The following BAZ2B variants were observed in gnomAD, a reference collection of about 807,000 sequenced individuals.
The protein encoded by BAZ2B is bromodomain adjacent to zinc finger domain 2B, also known as bromodomain adjacent to zinc finger domain protein 2B.
BAZ2B carries 91 observed loss-of-function variants against 246.0 expected under a neutral mutation model. The observed-to-expected ratio is 0.37, with a 90% CI of 0.31 to 0.44. The LOEUF is 0.44. Ranked by LOEUF, BAZ2B falls within the 20% of genes least tolerant of loss-of-function variation. The pLI, the probability that BAZ2B is intolerant of heterozygous loss-of-function variation, is 1.00. For synonymous variants in BAZ2B, 855 were observed against 860.0 expected, an observed-to-expected ratio of 0.99 and a Z score of 0.10; for missense variants, 2,332 against 2,533.7, an observed-to-expected ratio of 0.92 and a Z score of 1.71.
At chr2:159,565,696 G>T (rs569836610) in intron 1 of BAZ2B, among the ~76,000 whole-genome samples, 1 of 149,584 alleles carries the variant, frequency 6.7e-6, no homozygotes, top group African/African-American at 2.5e-5. Context: ...AGAATCGCTT[G>T]AATCCGGGAG....
Position 159,430,849 on chromosome 2 carries a change from T to C in BAZ2B, c.2194+14A>G, listed in dbSNP as rs2070972312. ...GACTTCTACTTTAGAATAATAAAAA[T>C]AAAGTGTAGGTACCAGAGTGTGGGC... is the stretch of plus-strand genomic sequence containing the variant. On this transcript the variant is annotated intron_variant, in intron 10 of 36. Transcript: ENST00000392783. The C allele has an allele frequency of 1.3e-6, 2 of 1,592,668 alleles. No homozygotes were observed. The highest frequency in any genetic ancestry group is 1.8e-5 in the Admixed American group (1 of 54,866).
chr2:159,465,330 T>G (rs1045003917), intron 3 of BAZ2B, among the ~76,000 whole-genome samples: 2 of 152,358 alleles, frequency 1.3e-5, no homozygotes, highest in Non-Finnish European at 2.9e-5. Flanking sequence ...TTAATTTGAT[T>G]AGCTCTGTAA....
At chr2:159,541,518 A>C (rs1461105918) in intron 2 of BAZ2B, among the ~76,000 whole-genome samples, 5 of 152,056 alleles carry the variant, frequency 3.3e-5, no homozygotes, top group Admixed American at 6.6e-5. Flanking sequence ...ACCTCAGGCG[A>C]TCTGCCCACC....
At chr2:159,428,513 A>G in intron 11 of BAZ2B, 94 bp from the exon 12 acceptor site, 8 of 851,942 alleles carry the variant, frequency 9.4e-6, no homozygotes, top group Non-Finnish European at 1.4e-5. Flanking sequence ...TTCTCTAGAA[A>G]ACATAAAAAA....
chr2:159,556,400 A>G (rs914973012), intron 1 of BAZ2B, among the ~76,000 whole-genome samples: 1 of 140,534 alleles, frequency 7.1e-6, no homozygotes, highest in African/African-American at 3.2e-5. Context: ...TAGAACAGGA[A>G]AAAACTATTT....
intron 27 of BAZ2B, among the ~76,000 whole-genome samples, chr2:159,358,775 G>T (rs1576038089): frequency 1.3e-5 from 2 of 152,166 alleles, no homozygotes; most frequent in South Asian, 2.1e-4. Context: ...TGAGACCACA[G>T]TGCAATCAAA....
At chr2:159,382,919 G>T (rs903290130) in intron 24 of BAZ2B, 117 bp from the exon 25 acceptor site, 2 of 1,323,974 alleles carry the variant, frequency 1.5e-6, no homozygotes, top group Admixed American at 5.3e-5. Flanking sequence ...TGTGTTAAGC[G>T]ATATACCAAT....
the BAZ2B span, among the ~76,000 whole-genome samples, chr2:159,630,620 G>A: frequency 4.0e-5 from 6 of 150,702 alleles, no homozygotes; most frequent in East Asian, 3.9e-4. Flanking sequence ...TGCAAGCTCC[G>A]CCTCCCGGGT....
intron 2 of BAZ2B, among the ~76,000 whole-genome samples, chr2:159,521,205 G>C (rs142035714): frequency 6.6e-6 from 1 of 151,850 alleles, no homozygotes; most frequent in Non-Finnish European, 1.5e-5. Context: ...CATTAAAAAA[G>C]TTATAGGATA....
chr2:159,340,190 G>T (rs2112111), intron 31 of BAZ2B, among the ~76,000 whole-genome samples: 139,744 of 151,844 alleles, frequency 0.92, 65,449 homozygotes, highest in East Asian at 1. Context: ...AAGACAGGTC[G>T]TTTGAAGTAA....
At chr2:159,547,317 A>C (rs1189523290) in intron 2 of BAZ2B, among the ~76,000 whole-genome samples, 1 of 152,194 alleles carries the variant, frequency 6.6e-6, no homozygotes, top group African/African-American at 2.4e-5. Context: ...TATTTGTATT[A>C]GTTAAACTTT....
chr2:159,543,073 G>A (rs1320836002), intron 2 of BAZ2B, among the ~76,000 whole-genome samples: 2 of 152,162 alleles, frequency 1.3e-5, no homozygotes, highest in Admixed American at 1.3e-4. Flanking sequence ...AAGTTGTTCG[G>A]AGGATGAAAT....
intron 27 of BAZ2B, among the ~76,000 whole-genome samples, chr2:159,358,673 C>T (rs1445259376): frequency 6.6e-6 from 1 of 152,192 alleles, no homozygotes; most frequent in Admixed American, 6.5e-5. Flanking sequence ...TTCTCAGCAC[C>T]ACATCGCACT....
chr2:159,407,291 T>C (rs964125992), intron 14 of BAZ2B, among the ~76,000 whole-genome samples: 4 of 151,586 alleles, frequency 2.6e-5, no homozygotes, highest in Admixed American at 2.0e-4. Context: ...GGCCAACATA[T>C]GAAGCCCCCA....
In BAZ2B at chr2:159,423,990, G is replaced by A. The variant is rs183307101; in HGVS notation, c.2466+3951C>T. On this transcript the variant is annotated intron_variant, in intron 13 of 36. Coordinates refer to ENST00000392783, the MANE Select transcript of BAZ2B (RefSeq NM_013450.4). ...TTGCCCGCTTAGCAAACCTGTACAC[G>A]TACCCCTGAGCCTACAATAAAAGTT... 2.0e-3 allele frequency among the ~76,000 whole-genome samples: 305 copies of A among 152,132 alleles called. 1 individual carries two copies. Among genetic ancestry groups the A allele is most frequent in the Non-Finnish European group, 2.9e-3 (199 of 67,988 alleles).
At chr2:159,700,765 GT>G in the BAZ2B span, among the ~76,000 whole-genome samples, 2 of 150,912 alleles carry the variant, frequency 1.3e-5, no homozygotes, top group South Asian at 2.1e-4. Flanking sequence ...GTTTCTTATT[GT>G]TTTTTTTTCC....
chr2:159,439,003 T>A lies in BAZ2B; in HGVS notation c.900+6A>T. ...GTTTGGATACTGTCCATGAAAAAAA[T>A]TATACCTGGTTGTTACTTTTATGTT... On this transcript the variant is annotated splice_donor_region_variant and intron_variant, in intron 7 of 36. Coordinates refer to ENST00000392783, the MANE Select transcript of BAZ2B (RefSeq NM_013450.4). The A allele has an allele frequency of 1.9e-6, 3 of 1,611,848 alleles. No individual in the cohort carries two copies. The South Asian group carries it at 3.3e-5, about 18-fold the overall frequency.
chr2:159,603,050 T>C (rs922696681), intron 1 of BAZ2B, among the ~76,000 whole-genome samples: 1 of 152,132 alleles, frequency 6.6e-6, no homozygotes, highest in Non-Finnish European at 1.5e-5. Flanking sequence ...GGCAGGGGAA[T>C]TGCTCGAAAC....
chr2:159,417,431 A>G (rs539298249), intron 13 of BAZ2B, among the ~76,000 whole-genome samples: 11 of 152,274 alleles, frequency 7.2e-5, no homozygotes, highest in African/African-American at 2.4e-4. Flanking sequence ...TTGGCCTCCC[A>G]AAGTGTTTGG....
Sources: allele counts gnomAD v4.1 joint callset (sites outside exome capture counted in the v4.1 genomes callset), GRCh38; gene constraint gnomAD v4.1.1; transcripts MANE v1.5; gene names NCBI Gene and HGNC (gene_info 2026-07-23, HGNC 2026-07-21).